Variants in PYROXD2 observed in about 807,000 individuals in gnomAD.
The protein encoded by PYROXD2 is pyridine nucleotide-disulphide oxidoreductase domain 2.
PYROXD2 carries 69 observed loss-of-function variants against 71.1 expected under a neutral mutation model. The observed-to-expected ratio is 0.97, with a 90% CI of 0.80 to 1.19. The LOEUF (loss-of-function observed/expected upper bound fraction) is 1.19. PYROXD2 is among the 50% of genes most tolerant of loss of function. PYROXD2 has a pLI of 0.00. For synonymous variants in PYROXD2, 287 were observed against 302.7 expected (o/e 0.95, Z 0.54); for missense variants, 745 against 748.9 (o/e 0.99, Z 0.06).
At chr10:98,396,229 T>C (rs550994056) in intron 6 of PYROXD2, among the ~76,000 whole-genome samples, 13 of 152,352 alleles carry the variant, frequency 8.5e-5, no homozygotes, top group African/African-American at 2.2e-4. Context: ...TGTTTGCCGA[T>C]GTGACACAAA....
intron 2 of PYROXD2, among the ~76,000 whole-genome samples, chr10:98,410,431 C>T (rs745571802): frequency 5.6e-4 from 85 of 152,336 alleles, no homozygotes; most frequent in Non-Finnish European, 1.1e-3. Context: ...ACAGGCCCTT[C>T]TGCTAGACTG....
intron 4 of PYROXD2, among the ~76,000 whole-genome samples, chr10:98,402,781 G>A (rs1165804838): frequency 6.6e-6 from 1 of 152,114 alleles, no homozygotes; most frequent in Non-Finnish European, 1.5e-5. Context: ...GTCAGCACAT[G>A]GCTAATCACA....
At chr10:98,414,569 G>C (rs1397621398) in intron 1 of PYROXD2, among the ~76,000 whole-genome samples, 1 of 152,194 alleles carries the variant, frequency 6.6e-6, no homozygotes. Flanking sequence ...GGCCTCAGTG[G>C]TAAGGTAGTG....
At chr10:98,413,813 C>T (rs1186052157) in intron 1 of PYROXD2, 3 of 152,098 alleles carry the variant, frequency 2.0e-5, no homozygotes, top group African/African-American at 7.2e-5. Flanking sequence ...CACGATCATC[C>T]TACTCTTTAC....
At chr10:98,392,718 C>T in intron 9 of PYROXD2, 152 bp from the exon 10 acceptor site, 1 of 1,366,698 alleles carries the variant, frequency 7.3e-7, no homozygotes, top group Non-Finnish European at 9.8e-7. Context: ...CTCCATGAAG[C>T]CTCAGCTTCT....
At chr10:98,411,266 G>A (rs1315627116) in intron 1 of PYROXD2, 1 of 419,588 alleles carries the variant, frequency 2.4e-6, no homozygotes, top group South Asian at 3.7e-5. Flanking sequence ...TCCATTGCTT[G>A]GGAGGCGCAA....
chr10:98,400,309 C>CT (rs1564804412), intron 4 of PYROXD2, 52 bp from the exon 5 acceptor site: 1 of 1,526,436 alleles, frequency 6.6e-7, no homozygotes, highest in Non-Finnish European at 8.9e-7. Context: ...GTGGTCTCTG[C>CT]CCATCATCTT....
At chr10:98,413,288 T>A (rs1286136093) in intron 1 of PYROXD2, among the ~76,000 whole-genome samples, 2 of 152,206 alleles carry the variant, frequency 1.3e-5, no homozygotes, top group Non-Finnish European at 2.9e-5. Context: ...AAGAAAGTGA[T>A]GGGAAAATGC....
intron 8 of PYROXD2, among the ~76,000 whole-genome samples, chr10:98,394,257 AAGC>A (rs1564798215): frequency 6.6e-6 from 1 of 152,178 alleles, no homozygotes; most frequent in Non-Finnish European, 1.5e-5. Flanking sequence ...AGCACTGGTT[AAGC>A]CTCCCAGGGA....
chr10:98,384,844 C>T, intron 15 of PYROXD2, 103 bp downstream of exon 15: 1 of 1,433,494 alleles, frequency 7.0e-7, no homozygotes, highest in South Asian at 1.6e-5. Flanking sequence ...TGCTCCCCTC[C>T]CTCTCTGCCA....
chr10:98,401,171 C>T (rs1017878170), intron 4 of PYROXD2, among the ~76,000 whole-genome samples: 5 of 149,138 alleles, frequency 3.4e-5, no homozygotes, highest in East Asian at 3.9e-4. Context: ...GAGAATTGCT[C>T]GAACCTGGAA....
chr10:98,408,181 C>G (rs1843675128), intron 2 of PYROXD2, among the ~76,000 whole-genome samples, 184 bp from the exon 3 acceptor site: 1 of 152,230 alleles, frequency 6.6e-6, no homozygotes, highest in East Asian at 1.9e-4. Context: ...TCCCTTTCCA[C>G]CCTCGCCTTT....
In PYROXD2 at chr10:98,389,077, C is replaced by G. The variant is rs551078721; in HGVS notation, c.1293-569G>C. On this transcript the variant is annotated intron_variant, in intron 12 of 15. Transcript: ENST00000370575. ...AAGGCCACGGGAAATGCCCCTTCTC[C>G]CTGCGTCCCTCAGCTGCAATGTTCT... Among the ~76,000 whole-genome samples the G allele has an allele frequency of 1.2e-3, 190 of 152,300 alleles. 1 individual carries two copies. Among genetic ancestry groups the G allele is most frequent in the African/African-American group, 4.3e-3 (178 of 41,562 alleles).
In PYROXD2 at chr10:98,384,836, C is replaced by T. The variant is rs183346731; in HGVS notation, c.1675+111G>A. 2.6e-3 allele frequency: 3,557 copies of T among 1,390,588 alleles called. 5 individuals carry two copies. The highest frequency in any genetic ancestry group is 2.9e-3 in the Non-Finnish European group (3,107 of 1,059,226). 86.1% of individuals were successfully genotyped at this position (1,390,588 alleles called of 1,614,324 possible). A position where few individuals can be genotyped will look rare whatever the true frequency, so the allele number is the denominator to read the frequency against. ...GGCAGCTTATGTTGGGAGTTCCCTG[C>T]TCCCCTCCCTCTCTGCCACCTTCAT... On this transcript the variant is annotated intron_variant, in intron 15 of 15. Coordinates refer to ENST00000370575, the MANE Select transcript of PYROXD2 (RefSeq NM_032709.3).
At chr10:98,389,962 C>T (rs1842891860) in intron 12 of PYROXD2, among the ~76,000 whole-genome samples, 1 of 152,210 alleles carries the variant, frequency 6.6e-6, no homozygotes, top group African/African-American at 2.4e-5. Flanking sequence ...ATCTTCTTTA[C>T]CACATGCTAT....
chr10:98,385,036 T>A lies in PYROXD2; in HGVS notation c.1586A>T (p.Gln529Leu). The stretch of plus-strand genomic sequence containing the variant: ...GGGCACGGGGCGGGCGAAGTAGAGC[T>A]GGTCCAGGGACATGGCGCAGTGGAA... ...NIFHCAMSLD[Q>L]LYFARPVPLH... Residue 529 changes from glutamine (Q) to leucine (L), a missense_variant, in exon 15 of 16, where the codon CAG becomes CTG. Transcript: ENST00000370575. The A allele has an allele frequency of 6.2e-7, 1 of 1,613,910 alleles. No individual in the cohort carries two copies. The highest frequency in any genetic ancestry group is 1.3e-5 in the African/African-American group (1 of 75,062).
chr10:98,407,165 G>A (rs1385586872), intron 4 of PYROXD2, among the ~76,000 whole-genome samples: 2 of 152,128 alleles, frequency 1.3e-5, no homozygotes, highest in African/African-American at 2.4e-5. Flanking sequence ...CAAAAAGCCC[G>A]GGAGCCAGAA....
chr10:98,396,846 G>A (rs1263558224), intron 6 of PYROXD2, among the ~76,000 whole-genome samples: 2 of 152,172 alleles, frequency 1.3e-5, no homozygotes, highest in African/African-American at 2.4e-5. Flanking sequence ...ACCCACAGAT[G>A]CACAGCCCAG....
chr10:98,396,790 G>A (rs2135971585), intron 6 of PYROXD2, among the ~76,000 whole-genome samples: 2 of 152,198 alleles, frequency 1.3e-5, no homozygotes, highest in African/African-American at 4.8e-5. Context: ...TCTTCCCTAG[G>A]GCTTCTCTGG....
Sources: gnomAD v4.1 joint callset for allele counts (sites outside exome capture counted in the v4.1 genomes callset) on GRCh38, gnomAD v4.1.1 for gene constraint, MANE v1.5 for transcripts, NCBI Gene and HGNC (gene_info 2026-07-23, HGNC 2026-07-21) for gene names.